The following DGKB variants were observed in gnomAD, a reference collection of about 807,000 sequenced individuals.
DGKB encodes diacylglycerol kinase beta.
DGKB carries 67 observed loss-of-function variants against 114.3 expected under a neutral mutation model. That is an observed-to-expected ratio of 0.59 (90% confidence interval 0.48 to 0.72). The LOEUF (loss-of-function observed/expected upper bound fraction) is 0.72. DGKB is among the 30% of genes least tolerant of loss of function. The pLI, the probability that DGKB is intolerant of heterozygous loss-of-function variation, is 0.00. For missense variants in DGKB, 907 were observed against 975.2 expected, an observed-to-expected ratio of 0.93 and a Z score of 0.93; for synonymous variants, 398 against 323.1, an observed-to-expected ratio of 1.23 and a Z score of -2.49.
At position 14,220,944 on chromosome 7, in the gene DGKB, A is replaced by AT. The variant is rs969580021; in HGVS notation, c.2123-42794dup. 4.0e-5 allele frequency among the ~76,000 whole-genome samples: 6 copies of AT among 150,876 alleles called. 1 individual carries two copies. The highest frequency in any genetic ancestry group is 1.5e-4 in the African/African-American group (6 of 41,338). Reference sequence around the variant, plus strand: ...TATTCTTTTCTGAGGCTATAATAAAATTTTTTTTTAATTTCATTTTTTGTT... The same window carrying AT: ...TATTCTTTTCTGAGGCTATAATAAAATTTTTTTTTTAATTTCATTTTTTGTT... On this transcript the variant is annotated intron_variant, in intron 23 of 25. Coordinates refer to ENST00000402815, the MANE Select transcript of DGKB (RefSeq NM_001350709.2).
At chr7:14,483,473 T>A (rs558707006) in intron 20 of DGKB, among the ~76,000 whole-genome samples, 19 of 152,228 alleles carry the variant, frequency 1.2e-4, no homozygotes, top group Admixed American at 9.2e-4. Flanking sequence ...CTTAAGTTGA[T>A]GACGTAAAGG....
chr7:14,499,448 T>G (rs1032619214), intron 20 of DGKB, among the ~76,000 whole-genome samples: 6 of 151,768 alleles, frequency 4.0e-5, no homozygotes, highest in African/African-American at 7.2e-5. Flanking sequence ...CACAAAAACA[T>G]TATTGGCTAT....
At chr7:14,495,274 G>C (rs1785136493) in intron 20 of DGKB, among the ~76,000 whole-genome samples, 1 of 151,710 alleles carries the variant, frequency 6.6e-6, no homozygotes, top group South Asian at 2.1e-4. Context: ...TGCATTATTT[G>C]TCACTAAATA....
chr7:14,364,619 T>G (rs1306362923), intron 21 of DGKB, among the ~76,000 whole-genome samples: 2 of 152,114 alleles, frequency 1.3e-5, no homozygotes, highest in Non-Finnish European at 2.9e-5. Flanking sequence ...TTTTCTAATA[T>G]TCTACTTTCC....
At chr7:14,513,740 T>C (rs963586533) in intron 20 of DGKB, among the ~76,000 whole-genome samples, 12 of 152,164 alleles carry the variant, frequency 7.9e-5, no homozygotes, top group African/African-American at 2.9e-4. Context: ...TTGTTCATCT[T>C]TGTATACTCC....
chr7:14,849,362 T>G (rs567036223), intron 1 of DGKB, among the ~76,000 whole-genome samples: 1 of 152,096 alleles, frequency 6.6e-6, no homozygotes, highest in Non-Finnish European at 1.5e-5. Flanking sequence ...TATTATCAAG[T>G]GGGACCTTTG....
chr7:14,451,545 GTCTCTCTCTCTC>G (rs34641587), intron 21 of DGKB, among the ~76,000 whole-genome samples: 19 of 141,166 alleles, frequency 1.3e-4, no homozygotes, highest in South Asian at 4.5e-4. Context: ...CTCTCTATCT[GTCTCTCTCTCTC>G]TCTCTCTCTC....
At chr7:14,497,688 T>G (rs932191832) in intron 20 of DGKB, among the ~76,000 whole-genome samples, 8 of 151,916 alleles carry the variant, frequency 5.3e-5, no homozygotes, top group African/African-American at 1.9e-4. Context: ...AATAATTCAC[T>G]AAGTTATTGA....
intron 23 of DGKB, chr7:14,191,914 T>A: frequency 1.6e-6 from 1 of 609,474 alleles, no homozygotes; most frequent in South Asian, 1.5e-5. Flanking sequence ...ATTGCCAGTC[T>A]GGTAAAAAGC....
intron 23 of DGKB, among the ~76,000 whole-genome samples, chr7:14,315,727 G>GAA (rs1470143952): frequency 7.8e-4 from 117 of 150,802 alleles, no homozygotes; most frequent in African/African-American, 2.7e-3. Flanking sequence ...AGATCAACGG[G>GAA]ACAGAAAGTC....
chr7:14,821,069 A>T (rs1586725289), intron 2 of DGKB, among the ~76,000 whole-genome samples: 1 of 150,682 alleles, frequency 6.6e-6, no homozygotes, highest in Non-Finnish European at 1.5e-5. Flanking sequence ...ACTTAGAGAT[A>T]AAAAAAGGTC....
intron 4 of DGKB, among the ~76,000 whole-genome samples, chr7:14,749,249 A>G (rs904179811): frequency 6.6e-6 from 1 of 152,166 alleles, no homozygotes; most frequent in African/African-American, 2.4e-5. Context: ...ACTATTCATT[A>G]TTTCAAATTT....
At chr7:14,631,274 A>G (rs894798286) in intron 13 of DGKB, among the ~76,000 whole-genome samples, 48 of 150,126 alleles carry the variant, frequency 3.2e-4, no homozygotes, top group Non-Finnish European at 5.6e-4. Flanking sequence ...AAAAAAAAAA[A>G]AAAAAAAAGA....
At chr7:14,379,846 GCGGGCCCGGCC>G in intron 21 of DGKB, among the ~76,000 whole-genome samples, 1 of 149,670 alleles carries the variant, frequency 6.7e-6, no homozygotes, top group African/African-American at 2.5e-5. Context: ...GCGTGAGCGA[GCGGGCCCGGCC>G]TTAAGCAGTT....
chr7:14,947,513 G>T (rs1009374392), intron 1 of DGKB, among the ~76,000 whole-genome samples: 4 of 135,286 alleles, frequency 3.0e-5, no homozygotes, highest in African/African-American at 1.1e-4. Context: ...AGTCATAAAA[G>T]AGTCAATTTA....
chr7:14,265,495 C>A (rs896505086), intron 23 of DGKB, among the ~76,000 whole-genome samples: 1 of 151,824 alleles, frequency 6.6e-6, no homozygotes, highest in Non-Finnish European at 1.5e-5. Context: ...CTTCTACATC[C>A]CTTCCTTGGC....
At chr7:14,613,953 G>T (rs564255040) in intron 15 of DGKB, among the ~76,000 whole-genome samples, 2 of 152,172 alleles carry the variant, frequency 1.3e-5, no homozygotes, top group South Asian at 4.1e-4. Flanking sequence ...TACACAATTT[G>T]TTCAGTGCTT....
chr7:14,274,922 G>A (rs1385070391), intron 23 of DGKB, among the ~76,000 whole-genome samples: 1 of 150,028 alleles, frequency 6.7e-6, no homozygotes, highest in Non-Finnish European at 1.5e-5. Flanking sequence ...TTTTTTGGGG[G>A]GTGCACTTCA....
intron 2 of DGKB, among the ~76,000 whole-genome samples, chr7:14,770,508 T>G (rs929611285): frequency 6.6e-6 from 1 of 152,144 alleles, no homozygotes; most frequent in South Asian, 2.1e-4. Context: ...TAAAGTGTCA[T>G]GCCTAAATGA....
Sources: gnomAD v4.1 joint callset for allele counts (sites outside exome capture counted in the v4.1 genomes callset) on GRCh38, gnomAD v4.1.1 for gene constraint, MANE v1.5 for transcripts, NCBI Gene and HGNC (gene_info 2026-07-23, HGNC 2026-07-21) for gene names.